NPIPA5: variants seen among roughly 807,000 people sequenced by gnomAD.
NPIPA5 encodes the protein nuclear pore complex-interacting protein family member A5.
A neutral mutation model predicts 21.4 loss-of-function variants in NPIPA5; 6 were observed. The ratio of observed to expected loss-of-function variants is 0.28; its 90% CI spans 0.15 to 0.55. NPIPA5 has a LOEUF of 0.55. Ranked by LOEUF, NPIPA5 falls within the 20% of genes least tolerant of loss-of-function variation. NPIPA5 has a pLI of 0.93. For missense variants in NPIPA5, 99 were observed against 318.2 expected (o/e 0.31, Z 5.24); for synonymous variants, 33 against 115.3 (o/e 0.29, Z 4.57).
At chr16:15,381,152 A>G (rs2050428761), upstream of NPIPA5, 3 of 1,153,462 alleles carry the variant, frequency 2.6e-6, no homozygotes, top group South Asian at 1.5e-5. Flanking sequence ...TTGAGTCTAT[A>G]GTGGTCAAGG....
In NPIPA5 at chr16:15,363,915, G is replaced by T. The variant is rs1398665773; in HGVS notation, c.797C>A (p.Pro266His). The T allele has an allele frequency of 2.5e-6, 4 of 1,603,316 alleles. No homozygotes were observed. The highest frequency in any genetic ancestry group is 3.4e-6 in the Non-Finnish European group (4 of 1,179,370). ...AAGGGGATAGAGCAGACGCTCGGAA[G>T]GTGTCTTGAGGCTCAGGGAGTTATC... ...IIDNSLSLKTPSERLLYPLPP... is the reference protein window; with the variant it reads ...IIDNSLSLKTHSERLLYPLPP... Residue 266 changes from proline (P) to histidine (H), a missense_variant, in exon 8 of 8, where the codon CCT (proline) becomes CAT (histidine). Pro to His is a moderately conservative substitution (Grantham distance 77). Transcript: ENST00000360151.
chr16:15,379,722 C>T (rs1229099329), upstream of NPIPA5, among the ~76,000 whole-genome samples: 12 of 152,026 alleles, frequency 7.9e-5, no homozygotes, highest in East Asian at 1.9e-4. Flanking sequence ...CTGAGGCAGG[C>T]GGATCACGAG....
At chr16:15,371,451 C>T (rs1428392360) in intron 2 of NPIPA5, among the ~76,000 whole-genome samples, 13 of 148,726 alleles carry the variant, frequency 8.7e-5, no homozygotes, top group African/African-American at 1.2e-4. Flanking sequence ...TAAAATGCAA[C>T]GCAAATCCCA....
rs1567403872 is a variant in NPIPA5, at chr16:15,363,705, C to A, written c.1007G>T (p.Cys336Phe). ...DNLKTPPECV[C>F]SLPFHPQRMI... ...CCGCTGAGGGTGGAAGGGGAGTGAG[C>A]AGACACACTCGGGAGGTGTCTTGAG... Residue 336 changes from cysteine (C) to phenylalanine (F), a missense_variant, in exon 8 of 8, where the codon TGC becomes TTC. Around this residue, in one of 5 missense-constraint regions of NPIPA5, gnomAD observed 75 missense variants for 138.5 expected, o/e 0.54. Transcript: ENST00000360151. 2 of 1,460,856 alleles carry A rather than the reference C, an allele frequency of 1.4e-6. No individual in the cohort carries two copies. The highest frequency in any genetic ancestry group is 1.8e-6 in the Non-Finnish European group (2 of 1,098,638). The allele number at this position is 1,460,856 out of a possible 1,614,324, so 90.5% of individuals were successfully genotyped here.
upstream of NPIPA5, chr16:15,380,990 G>T: frequency 1.3e-6 from 2 of 1,503,522 alleles, no homozygotes; most frequent in Non-Finnish European, 1.8e-6. Context: ...TCCTTGGTGA[G>T]CTGGCCCTGG....
chr16:15,377,755 G>C (rs554174865), intron 1 of NPIPA5, among the ~76,000 whole-genome samples: 3 of 146,782 alleles, frequency 2.0e-5, no homozygotes, highest in South Asian at 4.5e-4. Context: ...GAAAGGATCC[G>C]GTTCAAATTA....
intron 2 of NPIPA5, among the ~76,000 whole-genome samples, chr16:15,370,863 A>C (rs2050138328): frequency 6.8e-6 from 1 of 147,358 alleles, no homozygotes; most frequent in African/African-American, 2.5e-5. Context: ...CCTGGGCAAC[A>C]TGGTGAAACC....
intron 1 of NPIPA5, among the ~76,000 whole-genome samples, chr16:15,375,486 G>A (rs1480523132): frequency 6.6e-6 from 1 of 151,578 alleles, no homozygotes; most frequent in Admixed American, 6.6e-5. Flanking sequence ...GCTCACGCCT[G>A]CAATCCCAGC....
Position 15,366,735 on chromosome 16 carries a change from G to C in NPIPA5, c.463C>G (p.Arg155Gly). 3 of 1,527,462 alleles carry C rather than the reference G, an allele frequency of 2.0e-6. No individual in the cohort carries two copies. Among genetic ancestry groups the C allele is most frequent in the Non-Finnish European group, 2.6e-6 (3 of 1,144,010 alleles). The allele number at this position is 1,527,462 out of a possible 1,614,324, so 94.6% of individuals were successfully genotyped here. A position where few individuals can be genotyped will look rare whatever the true frequency, so the allele number is the denominator to read the frequency against. Residue 155 changes from arginine to glycine, a missense_variant, in exon 5 of 8, where the codon CGT (arginine) becomes GGT (glycine). Coordinates refer to ENST00000360151, the MANE Select transcript of NPIPA5 (RefSeq NM_001277325.2). ...TGCCTCTCCTTTTCTCCGTGCTCAC[G>C]TTCTTTCATGCTTAGTTTCCTCAGA... ...EHLRKLSMKE[R>G]EHGEKERQVS... is the part of the protein sequence containing the mutation.
upstream of NPIPA5, among the ~76,000 whole-genome samples, chr16:15,379,187 T>C (rs1255180356): frequency 6.6e-6 from 1 of 152,160 alleles, no homozygotes; most frequent in Non-Finnish European, 1.5e-5. Flanking sequence ...AAGGTTATTG[T>C]AAACAGGAAA....
intron 2 of NPIPA5, among the ~76,000 whole-genome samples, 186 bp downstream of exon 2, chr16:15,373,529 G>A (rs2050211715): frequency 9.2e-6 from 1 of 108,220 alleles, no homozygotes; most frequent in South Asian, 3.7e-4. Flanking sequence ...ATTAAACACC[G>A]ACCTATTTAA....
In NPIPA5 at chr16:15,363,714, TCGGG is replaced by T; in HGVS notation, c.994_997del (p.Pro332SerfsTer13). The stretch of plus-strand genomic sequence containing the variant: ...GTGGAAGGGGAGTGAGCAGACACAC[TCGGG>T]AGGTGTCTTGAGATTATCATCCGCT... On this transcript the variant is annotated frameshift_variant, in exon 8 of 8. Transcript: ENST00000360151. LOFTEE classifies it high-confidence loss of function. The T allele has an allele frequency of 7.0e-7, 1 of 1,431,310 alleles. No homozygotes were observed. The highest frequency in any genetic ancestry group is 1.2e-5 in the South Asian group (1 of 83,754). The allele number at this position is 1,431,310 out of a possible 1,614,324, so 88.7% of individuals were successfully genotyped here.
At chr16:15,368,336 C>A (rs1458828073) in intron 4 of NPIPA5, among the ~76,000 whole-genome samples, 1 of 151,876 alleles carries the variant, frequency 6.6e-6, no homozygotes, top group South Asian at 2.1e-4. Context: ...CCTGCACAGA[C>A]GACCTCAATT....
At position 15,363,923 on chromosome 16, in the gene NPIPA5, G is replaced by A. The variant is rs778682463; in HGVS notation, c.789C>T (p.Leu263=). 2.0e-5 allele frequency: 32 copies of A among 1,602,180 alleles called. No individual in the cohort carries two copies. In the East Asian group the frequency reaches 7.2e-4, roughly 36 times the overall value. ...AGAGCAGACGCTCGGAAGGTGTCTT[G>A]AGGCTCAGGGAGTTATCAATTATAG... ...QHSIIDNSLS[L]KTPSERLLYP... is the part of the protein sequence containing the mutation. The change falls in exon 8 of 8, where the codon CTC becomes CTT. Residue 263 remains leucine, a synonymous_variant. Coordinates refer to ENST00000360151, the MANE Select transcript of NPIPA5 (RefSeq NM_001277325.2).
intron 1 of NPIPA5, among the ~76,000 whole-genome samples, chr16:15,374,447 C>T (rs960683843): frequency 1.3e-5 from 2 of 151,694 alleles, no homozygotes; most frequent in Non-Finnish European, 2.9e-5. Flanking sequence ...CTGCCTGCCT[C>T]GGCCTCCCAA....
Position 15,376,085 on chromosome 16 carries a change from C to T in NPIPA5, c.63+2147G>A, listed in dbSNP as rs556889376. Among the ~76,000 whole-genome samples, 40 of 152,130 alleles carry T rather than the reference C, an allele frequency of 2.6e-4. No individual in the cohort carries two copies. The East Asian group carries it at 3.7e-3, about 14-fold the overall frequency. On this transcript the variant is annotated intron_variant, in intron 1 of 7. Transcript: ENST00000360151. ...AACAATGGTAATGATTTCAGAAATA[C>T]GGTGTTGAGCAGAATAAAGCAGACA...
chr16:15,375,691 A>G (rs368424401), intron 1 of NPIPA5, among the ~76,000 whole-genome samples: 18 of 146,588 alleles, frequency 1.2e-4, no homozygotes, highest in African/African-American at 4.2e-4. Context: ...GCAGTGAGCC[A>G]AGATCGCACC....
intron 7 of NPIPA5, 200 bp downstream of exon 7, chr16:15,365,229 G>A: frequency 3.8e-6 from 6 of 1,589,398 alleles, no homozygotes; most frequent in Admixed American, 1.7e-5. Flanking sequence ...AATATTAGAT[G>A]GGGGCCCCAC....
chr16:15,374,434 G>T (rs575253312), intron 1 of NPIPA5, among the ~76,000 whole-genome samples: 1 of 151,832 alleles, frequency 6.6e-6, no homozygotes, highest in Non-Finnish European at 1.5e-5. Flanking sequence ...CCTGACAGGC[G>T]ATCTGCCTGC....
Sources: gnomAD v4.1 joint callset for allele counts (sites outside exome capture counted in the v4.1 genomes callset) on GRCh38, gnomAD v4.1.1 for gene constraint, gnomAD v4.1.1 regional missense constraint, MANE v1.5 for transcripts, NCBI Gene and HGNC (gene_info 2026-07-23, HGNC 2026-07-21) for gene names.